The following ARFGEF3 variants were observed in gnomAD, a reference collection of about 807,000 sequenced individuals.
ARFGEF3 encodes ARFGEF family member 3.
In ARFGEF3, 96 loss-of-function variants were observed where a neutral mutation model predicts 221.7. The ratio of observed to expected loss-of-function variants is 0.43; its 90% CI spans 0.37 to 0.51. The LOEUF (loss-of-function observed/expected upper bound fraction) is 0.51. Ranked by LOEUF, ARFGEF3 falls within the 20% of genes least tolerant of loss-of-function variation. ARFGEF3 has a pLI of 0.00. For missense variants in ARFGEF3, 2,410 were observed against 2,789.9 expected (o/e 0.86, Z 3.07); for synonymous variants, 1,145 against 1,126.8 (o/e 1.02, Z -0.32).
chr6:138,191,654 G>A (rs746145532), intron 2 of ARFGEF3, among the ~76,000 whole-genome samples: 4 of 152,102 alleles, frequency 2.6e-5, no homozygotes, highest in Non-Finnish European at 5.9e-5. Flanking sequence ...AGGTTAGTAC[G>A]TCCAATTTGT....
rs375991360 is a variant in ARFGEF3 at position 138,282,308 on chromosome 6, G to T, written c.2461+2144G>T. ...TCCTCTCCTGGCTCCAGCAGAAGGAGGTGCAGAGCAAGGCCCTGCCCTCTC... is the reference window on the plus strand; with the variant it reads ...TCCTCTCCTGGCTCCAGCAGAAGGATGTGCAGAGCAAGGCCCTGCCCTCTC... On this transcript the variant is annotated intron_variant, in intron 14 of 33. Coordinates refer to ENST00000251691, the MANE Select transcript of ARFGEF3 (RefSeq NM_020340.5). Among the ~76,000 whole-genome samples, 117 of 152,164 alleles carry T rather than the reference G, an allele frequency of 7.7e-4. 1 individual carries two copies. The highest frequency in any genetic ancestry group is 1.5e-3 in the Non-Finnish European group (105 of 68,036).
At chr6:138,234,912 C>T (rs887990270) in intron 5 of ARFGEF3, among the ~76,000 whole-genome samples, 2 of 152,086 alleles carry the variant, frequency 1.3e-5, no homozygotes, top group East Asian at 3.8e-4. Flanking sequence ...GGTAATTGCA[C>T]AGTTCAACAA....
intron 8 of ARFGEF3, among the ~76,000 whole-genome samples, chr6:138,251,904 G>A (rs149529083): frequency 2.0e-5 from 3 of 152,124 alleles, no homozygotes; most frequent in East Asian, 1.9e-4. Flanking sequence ...GTCCAGTCCC[G>A]TAAGAGTGAA....
intron 2 of ARFGEF3, among the ~76,000 whole-genome samples, chr6:138,176,205 G>A (rs913966255): frequency 4.4e-5 from 6 of 136,356 alleles, no homozygotes; most frequent in Admixed American, 1.6e-4. Flanking sequence ...TTTTTTAGAC[G>A]GAGTCTTGCT....
At chr6:138,300,032 A>T (rs1229428601) in intron 22 of ARFGEF3, among the ~76,000 whole-genome samples, 1 of 152,110 alleles carries the variant, frequency 6.6e-6, no homozygotes, top group Non-Finnish European at 1.5e-5. Context: ...GTTTCAAGGT[A>T]CGTGAGCTCT....
chr6:138,193,377 A>G (rs1777347849), intron 2 of ARFGEF3, among the ~76,000 whole-genome samples: 1 of 152,186 alleles, frequency 6.6e-6, no homozygotes, highest in Non-Finnish European at 1.5e-5. Context: ...ATACCTTCAT[A>G]CAAGTGTCAT....
In ARFGEF3 at chr6:138,328,127, G is replaced by A. The variant is rs1461088358; in HGVS notation, c.5108G>A (p.Gly1703Glu). The change falls in exon 32 of 34, where the codon GGA becomes GAA. Residue 1703 changes from glycine to glutamate, a missense_variant. This residue lies in a region of ARFGEF3 where 723 missense variants were observed against 991.9 expected (regional missense o/e 0.73). Transcript: ENST00000251691. ...IELPPDEKPNGHTKKSVSFRE... is the reference protein window; with the variant it reads ...IELPPDEKPNEHTKKSVSFRE... ...CTGCCTCCTGATGAAAAACCAAATGGACACACCAAGAAAAGGTAAGTACCT... is the reference window on the plus strand; with the variant it reads ...CTGCCTCCTGATGAAAAACCAAATGAACACACCAAGAAAAGGTAAGTACCT... 1 of 1,593,492 alleles carries A rather than the reference G, an allele frequency of 6.3e-7. No homozygotes were observed. The highest frequency in any genetic ancestry group is 1.3e-5 in the African/African-American group (1 of 74,664).
At chr6:138,231,842 G>C (rs1328495295) in intron 5 of ARFGEF3, among the ~76,000 whole-genome samples, 2 of 152,068 alleles carry the variant, frequency 1.3e-5, no homozygotes, top group African/African-American at 4.8e-5. Context: ...AACTATAAAA[G>C]GATCATTAAG....
At chr6:138,248,158 G>A (rs1778518537) in intron 8 of ARFGEF3, among the ~76,000 whole-genome samples, 1 of 152,182 alleles carries the variant, frequency 6.6e-6, no homozygotes, top group African/African-American at 2.4e-5. Context: ...CAGTCATAGG[G>A]GAGAGGGACA....
At chr6:138,223,073 G>GAA (rs1263513717) in intron 4 of ARFGEF3, among the ~76,000 whole-genome samples, 4 of 152,074 alleles carry the variant, frequency 2.6e-5, no homozygotes, top group Admixed American at 2.6e-4. Flanking sequence ...AACCATGAGG[G>GAA]AAAAAAATCT....
chr6:138,281,160 C>T (rs141370610), intron 14 of ARFGEF3, among the ~76,000 whole-genome samples: 16 of 152,140 alleles, frequency 1.1e-4, no homozygotes, highest in African/African-American at 2.4e-4. Context: ...GTAACAAGGG[C>T]GGTGCCAGTT....
intron 6 of ARFGEF3, among the ~76,000 whole-genome samples, chr6:138,242,434 A>T (rs1178511423): frequency 6.6e-6 from 1 of 152,178 alleles, no homozygotes; most frequent in Non-Finnish European, 1.5e-5. Context: ...CTCCCCATCA[A>T]ATACAAAGAT....
At chr6:138,252,405 T>C (rs1396052918) in intron 8 of ARFGEF3, among the ~76,000 whole-genome samples, 1 of 152,224 alleles carries the variant, frequency 6.6e-6, no homozygotes, top group African/African-American at 2.4e-5. Flanking sequence ...TAATGGCACA[T>C]AAATACTAAT....
chr6:138,276,089 G>T lies in ARFGEF3; in HGVS notation c.2129-2362G>T, dbSNP rs74666800. The stretch of plus-strand genomic sequence containing the variant: ...GCATTCATTGAAAATCTCTCAAGGT[G>T]CTCTGAGAGGAGTGGCTCGGTGTGT... On this transcript the variant is annotated intron_variant, in intron 12 of 33. Transcript: ENST00000251691. Among the ~76,000 whole-genome samples the T allele has an allele frequency of 5.3e-4, 80 of 150,992 alleles. 1 individual carries two copies. In the East Asian group the frequency reaches 0.01, roughly 20 times the overall value.
At chr6:138,314,014 T>G in intron 26 of ARFGEF3, 75 bp downstream of exon 26, 7 of 1,441,564 alleles carry the variant, frequency 4.9e-6, no homozygotes, top group Non-Finnish European at 6.7e-6. Flanking sequence ...ATAAATGAAG[T>G]ACCTTAAGCT....
chr6:138,175,397 C>T (rs1776920309), intron 2 of ARFGEF3, among the ~76,000 whole-genome samples: 1 of 152,158 alleles, frequency 6.6e-6, no homozygotes, highest in Non-Finnish European at 1.5e-5. Context: ...TTTTCTTAAA[C>T]TTCAAGGTCT....
intron 2 of ARFGEF3, among the ~76,000 whole-genome samples, chr6:138,186,400 C>T (rs575642878): frequency 6.6e-6 from 1 of 152,310 alleles, no homozygotes; most frequent in African/African-American, 2.4e-5. Flanking sequence ...TTATATGTGA[C>T]TCTTCATGCA....
chr6:138,225,604 T>C (rs868158082), intron 4 of ARFGEF3, among the ~76,000 whole-genome samples: 1 of 152,200 alleles, frequency 6.6e-6, no homozygotes, highest in Admixed American at 6.5e-5. Flanking sequence ...TTCCTTTATG[T>C]TTGTAATCCC....
chr6:138,269,425 G>A (rs766838580), intron 12 of ARFGEF3, among the ~76,000 whole-genome samples: 29 of 152,212 alleles, frequency 1.9e-4, no homozygotes, highest in South Asian at 4.1e-4. Context: ...AATACAGAAG[G>A]TAAAATTACA....
Sources: allele counts gnomAD v4.1 joint callset (sites outside exome capture counted in the v4.1 genomes callset), GRCh38; gene constraint gnomAD v4.1.1; regional missense constraint gnomAD v4.1.1; transcripts MANE v1.5; gene names NCBI Gene and HGNC (gene_info 2026-07-23, HGNC 2026-07-21).